The following PTCHD4 variants were observed in gnomAD, a reference collection of about 807,000 sequenced individuals.
PTCHD4 encodes patched domain-containing protein 4.
A neutral mutation model predicts 58.1 loss-of-function variants in PTCHD4; 33 were observed. That is an observed-to-expected ratio of 0.57 (90% CI 0.43 to 0.76). The LOEUF is 0.76. Among genes scored for constraint, PTCHD4 ranks in the 30% least tolerant of loss-of-function variants. The pLI, the probability that PTCHD4 is intolerant of heterozygous loss-of-function variation, is 0.00. For missense variants in PTCHD4, 1,058 were observed against 1,027.1 expected (o/e 1.03, Z -0.41); for synonymous variants, 478 against 409.6 (o/e 1.17, Z -2.02).
chr6:47,928,205 G>T (rs751537796), intron 4 of PTCHD4, among the ~76,000 whole-genome samples: 1 of 151,988 alleles, frequency 6.6e-6, no homozygotes, highest in Non-Finnish European at 1.5e-5. Flanking sequence ...TGCTCCTAAG[G>T]CAGTAAAAAA....
intron 3 of PTCHD4, among the ~76,000 whole-genome samples, chr6:48,061,780 A>G (rs1764634665): frequency 2.0e-5 from 3 of 152,230 alleles, no homozygotes; most frequent in Admixed American, 2.0e-4. Flanking sequence ...ATACTTCTGC[A>G]TGCCAGGGCT....
At chr6:48,089,744 T>C (rs1224307348) in intron 1 of PTCHD4, among the ~76,000 whole-genome samples, 1 of 152,236 alleles carries the variant, frequency 6.6e-6, no homozygotes, top group African/African-American at 2.4e-5. Context: ...AATGTATTTA[T>C]CAATTGCATT....
chr6:47,993,915 G>A (rs553184705), intron 4 of PTCHD4, among the ~76,000 whole-genome samples: 2 of 152,266 alleles, frequency 1.3e-5, no homozygotes, highest in African/African-American at 4.8e-5. Context: ...AGTACATTGA[G>A]GTACTCAGAC....
intron 3 of PTCHD4, among the ~76,000 whole-genome samples, chr6:48,065,010 A>G (rs1025973211): frequency 3.9e-5 from 6 of 152,080 alleles, no homozygotes; most frequent in African/African-American, 7.2e-5. Context: ...TCTATTTGGA[A>G]TTCCATGGAA....
At chr6:47,898,070 G>A (rs1382903777) in intron 4 of PTCHD4, among the ~76,000 whole-genome samples, 3 of 142,736 alleles carry the variant, frequency 2.1e-5, no homozygotes, top group South Asian at 2.5e-4. Flanking sequence ...GCAGCCTCCC[G>A]AGTAGCTGGG....
At chr6:47,952,781 T>C (rs1278974594) in intron 4 of PTCHD4, among the ~76,000 whole-genome samples, 1 of 152,054 alleles carries the variant, frequency 6.6e-6, no homozygotes, top group East Asian at 1.9e-4. Context: ...TTTCAGTTTG[T>C]GTAAGTGCAC....
chr6:47,901,878 C>T (rs932101582), intron 4 of PTCHD4: 1 of 1,303,396 alleles, frequency 7.7e-7, no homozygotes, highest in Admixed American at 2.3e-5. Context: ...TTCCTTCTCT[C>T]CTTTCTTTCT....
intron 1 of PTCHD4, among the ~76,000 whole-genome samples, chr6:48,086,056 A>G (rs1210387759): frequency 6.6e-6 from 1 of 152,168 alleles, no homozygotes; most frequent in Non-Finnish European, 1.5e-5. Flanking sequence ...CAATATTCAC[A>G]GCATCCGAAA....
At chr6:47,955,539 C>A (rs1408687063) in intron 4 of PTCHD4, among the ~76,000 whole-genome samples, 1 of 152,128 alleles carries the variant, frequency 6.6e-6, no homozygotes, top group Non-Finnish European at 1.5e-5. Flanking sequence ...TGGACAAGAG[C>A]AAGTGGTCCA....
At chr6:48,048,687 G>A (rs945157227) in intron 3 of PTCHD4, among the ~76,000 whole-genome samples, 1 of 151,940 alleles carries the variant, frequency 6.6e-6, no homozygotes, top group Non-Finnish European at 1.5e-5. Context: ...AAATGAGGAA[G>A]ATGAATTATT....
rs1394338409 is a variant in PTCHD4, at chr6:47,876,343, A to G, written c.*1960T>C. On this transcript the variant is annotated 3_prime_UTR_variant, in exon 5 of 5. Transcript: ENST00000339488. The stretch of plus-strand genomic sequence containing the variant: ...GAAACTGACACAATGGAGAAGACAT[A>G]GATCATTTCCTGTTGAAACCCAATT... Among the ~76,000 whole-genome samples, 3 of 151,934 alleles carry G rather than the reference A, an allele frequency of 2.0e-5. No homozygotes were observed. Among genetic ancestry groups the G allele is most frequent in the African/African-American group, 7.3e-5 (3 of 41,358 alleles).
intron 4 of PTCHD4, among the ~76,000 whole-genome samples, chr6:47,894,292 T>C (rs1323560115): frequency 1.3e-5 from 2 of 152,256 alleles, no homozygotes; most frequent in Non-Finnish European, 2.9e-5. Flanking sequence ...CATAAATTTA[T>C]AAACAGAAGT....
chr6:47,899,830 T>A (rs1380928930), intron 4 of PTCHD4: 1 of 152,232 alleles, frequency 6.6e-6, no homozygotes, highest in African/African-American at 2.4e-5. Flanking sequence ...CTCATCTACT[T>A]CCTGTCTCTA....
intron 4 of PTCHD4, among the ~76,000 whole-genome samples, chr6:47,883,000 T>TTC (rs1358402242): frequency 6.6e-6 from 1 of 151,590 alleles, no homozygotes; most frequent in Non-Finnish European, 1.5e-5. Context: ...TAATTCTTGA[T>TTC]TCTAGATGGG....
intron 4 of PTCHD4, among the ~76,000 whole-genome samples, chr6:47,962,817 C>T (rs1293352262): frequency 6.6e-6 from 1 of 151,284 alleles, no homozygotes; most frequent in Non-Finnish European, 1.5e-5. Flanking sequence ...TGTAAGGATT[C>T]CTACAACTCA....
intron 4 of PTCHD4, among the ~76,000 whole-genome samples, chr6:47,985,086 G>T (rs923097483): frequency 2.6e-5 from 4 of 152,026 alleles, no homozygotes; most frequent in Non-Finnish European, 4.4e-5. Context: ...TGATTTTTAT[G>T]CATCAAACTT....
At chr6:48,088,980 G>A (rs1396792730) in intron 1 of PTCHD4, among the ~76,000 whole-genome samples, 1 of 152,104 alleles carries the variant, frequency 6.6e-6, no homozygotes, top group African/African-American at 2.4e-5. Context: ...AGGAGGCGGA[G>A]GTTGCATTGA....
chr6:48,075,510 TCA>T (rs1765047968), intron 1 of PTCHD4, among the ~76,000 whole-genome samples: 1 of 151,148 alleles, frequency 6.6e-6, no homozygotes, highest in Non-Finnish European at 1.5e-5. Flanking sequence ...CTTGGTCAAA[TCA>T]TTCCATGTCA....
chr6:47,879,963 A>C (rs1381160968), intron 4 of PTCHD4, 27 bp from the exon 5 acceptor site: 6 of 1,416,950 alleles, frequency 4.2e-6, no homozygotes, highest in Non-Finnish European at 5.6e-6. Flanking sequence ...AGAAAATAAT[A>C]ATTATTTTTA....
Sources: allele counts gnomAD v4.1 joint callset (sites outside exome capture counted in the v4.1 genomes callset), GRCh38; gene constraint gnomAD v4.1.1; transcripts MANE v1.5; gene names NCBI Gene and HGNC (gene_info 2026-07-23, HGNC 2026-07-21).